CSMD1: variants seen among roughly 807,000 people sequenced by gnomAD.
CSMD1 encodes the protein CUB and Sushi multiple domains 1, also known as CUB and sushi domain-containing protein 1.
Under a neutral mutation model 417.5 loss-of-function variants are expected in CSMD1, and 213 were observed. That is an observed-to-expected ratio of 0.51 (90% CI 0.46 to 0.57). CSMD1 has a LOEUF of 0.57. Among genes scored for constraint, CSMD1 ranks in the 20% least tolerant of loss-of-function variants. The pLI, the probability that CSMD1 is intolerant of heterozygous loss-of-function variation, is 0.00. For synonymous variants in CSMD1, 2,862 were observed against 1,736.8 expected, an observed-to-expected ratio of 1.65 and a Z score of -16.11; for missense variants, 6,923 against 4,529.7, an observed-to-expected ratio of 1.53 and a Z score of -15.17.
chr8:4,535,908 T>G (rs1233967860), intron 2 of CSMD1, among the ~76,000 whole-genome samples: 2 of 152,224 alleles, frequency 1.3e-5, no homozygotes, highest in Non-Finnish European at 1.5e-5. Context: ...ATTAACTCTT[T>G]GTTGTTGATG....
chr8:4,880,260 T>C lies in CSMD1; in HGVS notation c.85+114072A>G, dbSNP rs1034108692. Among the ~76,000 whole-genome samples the C allele has an allele frequency of 1.1e-4, 17 of 151,904 alleles. 1 individual carries two copies. The highest frequency in any genetic ancestry group is 3.9e-4 in the African/African-American group (16 of 41,306). ...ATTCAGTGACCTGTTCCCCAAAGGA[T>C]GGAGAAAAAAAATGAAGTTAGCTTT... On this transcript the variant is annotated intron_variant, in intron 1 of 69. Coordinates refer to ENST00000635120, the MANE Select transcript of CSMD1 (RefSeq NM_033225.6).
intron 3 of CSMD1, among the ~76,000 whole-genome samples, chr8:4,127,014 A>G (rs775722162): frequency 6.6e-6 from 1 of 152,170 alleles, no homozygotes; most frequent in Non-Finnish European, 1.5e-5. Context: ...CTGGCCTACA[A>G]AATATATATA....
intron 3 of CSMD1, among the ~76,000 whole-genome samples, chr8:4,085,475 T>G (rs559116397): frequency 6.6e-6 from 1 of 152,328 alleles, no homozygotes; most frequent in African/African-American, 2.4e-5. Flanking sequence ...TGCTGACAGT[T>G]TAAAACCCCT....
chr8:4,896,211 T>C (rs1425544059), intron 1 of CSMD1, among the ~76,000 whole-genome samples: 1 of 152,110 alleles, frequency 6.6e-6, no homozygotes, highest in African/African-American at 2.4e-5. Context: ...AAGTGTCTTG[T>C]CAGTCTGGTT....
intron 6 of CSMD1, among the ~76,000 whole-genome samples, chr8:3,721,889 G>A (rs1348048793): frequency 1.3e-5 from 2 of 152,172 alleles, no homozygotes; most frequent in Admixed American, 6.5e-5. Flanking sequence ...TGCCCGTTAA[G>A]TAGCTGACTG....
intron 5 of CSMD1, among the ~76,000 whole-genome samples, chr8:3,831,699 C>G (rs1368806205): frequency 1.3e-5 from 2 of 152,010 alleles, no homozygotes; most frequent in Non-Finnish European, 2.9e-5. Context: ...GTTTGGAATG[C>G]CAATGAATTT....
chr8:4,801,557 AT>A (rs1217504649), intron 1 of CSMD1, among the ~76,000 whole-genome samples: 3 of 152,132 alleles, frequency 2.0e-5, no homozygotes, highest in Non-Finnish European at 2.9e-5. Flanking sequence ...TTTTCTATTA[AT>A]TTAACTCTTT....
At chr8:3,810,283 T>G (rs1353938849) in intron 5 of CSMD1, among the ~76,000 whole-genome samples, 1 of 152,138 alleles carries the variant, frequency 6.6e-6, no homozygotes, top group Non-Finnish European at 1.5e-5. Context: ...TTCCTGATGT[T>G]TCACAGGACG....
At position 3,569,123 on chromosome 8, in the gene CSMD1, A is replaced by G. The variant is rs570649929; in HGVS notation, c.1344+5822T>C. ...GAATACCCTGGTATGAGCTGTTCCA[A>G]TTGTTTAAAAATCTGCCTCTCCACT... On this transcript the variant is annotated intron_variant, in intron 10 of 69. Transcript: ENST00000635120. Among the ~76,000 whole-genome samples, 3 of 152,296 alleles carry G rather than the reference A, an allele frequency of 2.0e-5. No individual in the cohort carries two copies. The South Asian group carries it at 6.2e-4, about 32-fold the overall frequency.
intron 12 of CSMD1, among the ~76,000 whole-genome samples, chr8:3,435,312 G>A (rs186544738): frequency 2.0e-5 from 3 of 152,150 alleles, no homozygotes; most frequent in Non-Finnish European, 4.4e-5. Context: ...GAAAGATGAA[G>A]CATGGGGCAG....
chr8:4,416,105 G>A (rs950390600), intron 3 of CSMD1, among the ~76,000 whole-genome samples: 2 of 152,106 alleles, frequency 1.3e-5, no homozygotes, highest in Non-Finnish European at 1.5e-5. Flanking sequence ...GAAAAATTGT[G>A]TCCTATCTGT....
chr8:3,211,738 C>A (rs1797621325), intron 30 of CSMD1, among the ~76,000 whole-genome samples: 1 of 152,212 alleles, frequency 6.6e-6, no homozygotes, highest in African/African-American at 2.4e-5. Context: ...GCTCACAAGC[C>A]CGGCCCTGCC....
chr8:2,987,883 C>G (rs1275326051), intron 54 of CSMD1, among the ~76,000 whole-genome samples: 2 of 152,138 alleles, frequency 1.3e-5, no homozygotes, highest in African/African-American at 4.8e-5. Context: ...TAAGTCACAT[C>G]ACTGCAATTG....
At chr8:4,129,562 T>C (rs914442790) in intron 3 of CSMD1, among the ~76,000 whole-genome samples, 1 of 137,386 alleles carries the variant, frequency 7.3e-6, no homozygotes, top group African/African-American at 2.8e-5. Context: ...CAGAATATTT[T>C]AGGTTATTTA....
At chr8:4,811,722 AT>A (rs912992432) in intron 1 of CSMD1, among the ~76,000 whole-genome samples, 6 of 151,728 alleles carry the variant, frequency 4.0e-5, no homozygotes, top group African/African-American at 1.2e-4. Context: ...ATACTGATTC[AT>A]TTTTTTTGCT....
At chr8:4,349,821 T>A (rs1487310872) in intron 3 of CSMD1, among the ~76,000 whole-genome samples, 1 of 82,000 alleles carries the variant, frequency 1.2e-5, no homozygotes, top group Non-Finnish European at 2.0e-5. Flanking sequence ...TGATATGACC[T>A]TTTTTTTTTT....
intron 2 of CSMD1, among the ~76,000 whole-genome samples, chr8:4,553,556 T>A (rs967862003): frequency 1.3e-5 from 2 of 152,128 alleles, no homozygotes; most frequent in African/African-American, 4.8e-5. Context: ...AGCTATCATA[T>A]TTAAGAACAC....
At chr8:3,983,287 C>A (rs908293125) in intron 5 of CSMD1, among the ~76,000 whole-genome samples, 3 of 151,976 alleles carry the variant, frequency 2.0e-5, no homozygotes, top group African/African-American at 4.8e-5. Context: ...CCCACCACCA[C>A]GCCCGGCTAA....
At chr8:4,780,734 AC>A (rs1360429368) in intron 1 of CSMD1, among the ~76,000 whole-genome samples, 2 of 151,956 alleles carry the variant, frequency 1.3e-5, no homozygotes, top group Non-Finnish European at 2.9e-5. Context: ...ACTCTTCTCT[AC>A]CAAGTCCCCA....
Sources: gnomAD v4.1 joint callset for allele counts (sites outside exome capture counted in the v4.1 genomes callset) on GRCh38, gnomAD v4.1.1 for gene constraint, MANE v1.5 for transcripts, NCBI Gene and HGNC (gene_info 2026-07-23, HGNC 2026-07-21) for gene names.